TMEM143: variants seen among roughly 807,000 people sequenced by gnomAD.
TMEM143 encodes the protein transmembrane protein 143.
In TMEM143, 45 loss-of-function variants were observed where a neutral mutation model predicts 40.3. That is an observed-to-expected ratio of 1.12 (90% confidence interval 0.88 to 1.43). TMEM143 has a LOEUF of 1.43. Ranked by LOEUF, TMEM143 falls within the 40% of genes most tolerant of loss-of-function variation. The pLI is 0.00. For missense variants in TMEM143, 620 were observed against 613.4 expected (o/e 1.01, Z -0.11); for synonymous variants, 299 against 282.7 (o/e 1.06, Z -0.58).
chr19:48,363,182 A>G, intron 2 of TMEM143, 109 bp downstream of exon 2: 1 of 1,439,800 alleles, frequency 6.9e-7, no homozygotes, highest in Middle Eastern at 2.6e-4. Flanking sequence ...CGGGAACTAC[A>G]ACTCCCAGGA....
At chr19:48,342,478 A>T in intron 6 of TMEM143, 52 bp downstream of exon 6, 1 of 1,537,864 alleles carries the variant, frequency 6.5e-7, no homozygotes, top group Non-Finnish European at 8.7e-7. Context: ...AGGGGGCCTG[A>T]CCTGGTCCCC....
Position 48,334,047 on chromosome 19 carries a change from G to C in TMEM143, c.1126C>G (p.Leu376Val). ...TKEALLAHSF[L>V]ARRPGGTQGS... ...TGAGTGCCCCCTGGCCGCCGGGCCA[G>C]GAAGCTGTGAGCCAGCAGCGCCTCC... is the stretch of plus-strand genomic sequence containing the variant. Residue 376 changes from leucine to valine, a missense_variant, in exon 7 of 8, where the codon CTG becomes GTG. By Grantham distance (32) the Leu-to-Val change is conservative (BLOSUM62 1). Transcript: ENST00000293261. 1 of 1,574,774 alleles carries C rather than the reference G, an allele frequency of 6.4e-7. No individual in the cohort carries two copies. Among genetic ancestry groups the C allele is most frequent in the South Asian group, 1.2e-5 (1 of 86,950 alleles).
intron 3 of TMEM143, among the ~76,000 whole-genome samples, chr19:48,346,041 C>T (rs976168859): frequency 6.6e-6 from 1 of 151,972 alleles, no homozygotes; most frequent in African/African-American, 2.4e-5. Context: ...CTCGGCCTCC[C>T]AAAGTGCTGG....
chr19:48,342,731 C>T lies in TMEM143; in HGVS notation c.774G>A (p.Pro258=), dbSNP rs747445309. ...HLVLKSFKDT[P]LEGLEQLLPE... is the part of the protein sequence containing the mutation. ...GCAGCAGCTGCTCCAGGCCTTCCAG[C>T]GGCGTGTCCTTGAAACTCTTCAGTA... The change falls in exon 6 of 8, where the codon CCG becomes CCA. Residue 258 remains proline, a synonymous_variant. Transcript: ENST00000293261. The T allele has an allele frequency of 1.9e-6, 3 of 1,614,126 alleles. No individual in the cohort carries two copies. The highest frequency in any genetic ancestry group is 2.2e-5 in the South Asian group (2 of 91,068).
At chr19:48,334,628 C>G (rs947124620) in intron 6 of TMEM143, among the ~76,000 whole-genome samples, 1 of 130,668 alleles carries the variant, frequency 7.7e-6, no homozygotes, top group Admixed American at 9.5e-5. Context: ...GTAGCCCAGT[C>G]TGGAGTTCAG....
At chr19:48,359,509 GTT>G (rs775409244) in intron 3 of TMEM143, among the ~76,000 whole-genome samples, 1 of 88,584 alleles carries the variant, frequency 1.1e-5, no homozygotes, top group Non-Finnish European at 2.2e-5. Context: ...ACCCCTCTTT[GTT>G]TTTTTTTTTT....
At chr19:48,343,563 TC>T in intron 4 of TMEM143, 112 bp from the exon 5 acceptor site, 3 of 1,388,520 alleles carry the variant, frequency 2.2e-6, no homozygotes, top group Non-Finnish European at 2.9e-6. Flanking sequence ...TTCCCACTTA[TC>T]CCCATTCACC....
intron 2 of TMEM143, among the ~76,000 whole-genome samples, chr19:48,361,529 C>T (rs1441914222): frequency 3.5e-5 from 3 of 86,584 alleles, no homozygotes; most frequent in Non-Finnish European, 7.8e-5. Context: ...TGAACCACTT[C>T]TTCTTCTTTT....
intron 3 of TMEM143, 161 bp downstream of exon 3, chr19:48,359,911 G>T (rs947120488): frequency 4.7e-6 from 3 of 635,462 alleles, no homozygotes; most frequent in Non-Finnish European, 8.0e-6. Flanking sequence ...TCCCCACTTG[G>T]AATGTTGGCT....
intron 3 of TMEM143, among the ~76,000 whole-genome samples, chr19:48,350,466 C>T (rs537705726): frequency 6.6e-6 from 1 of 152,262 alleles, no homozygotes; most frequent in East Asian, 1.9e-4. Flanking sequence ...GCCCATCGCC[C>T]TCATGGTCTG....
In TMEM143 at chr19:48,363,880, C is replaced by A. The variant is rs772215495; in HGVS notation, c.23+18G>T. 2.6e-5 allele frequency: 42 copies of A among 1,613,802 alleles called. No homozygotes were observed. Among genetic ancestry groups the A allele is most frequent in the Middle Eastern group, 1.6e-4 (1 of 6,082 alleles). Reference sequence around the variant, plus strand: ...GGCCGCCCTCCCTGGCCATGCAATCCCCCGATTTCTCCCTCACCTTAGCCA... The same window carrying A: ...GGCCGCCCTCCCTGGCCATGCAATCACCCGATTTCTCCCTCACCTTAGCCA... On this transcript the variant is annotated intron_variant, in intron 1 of 7. Transcript: ENST00000293261.
chr19:48,357,342 T>C (rs420319), intron 3 of TMEM143, among the ~76,000 whole-genome samples: 103,191 of 138,158 alleles, frequency 0.75, 38,913 homozygotes, highest in Admixed American at 0.83. Context: ...TATTCAAGTC[T>C]ATCTTTCTTT....
chr19:48,334,416 C>A (rs1371992116), intron 6 of TMEM143, among the ~76,000 whole-genome samples: 1 of 108,200 alleles, frequency 9.2e-6, no homozygotes, highest in Non-Finnish European at 2.0e-5. Flanking sequence ...TTCTTTTTCT[C>A]TCTTTCTTTC....
At chr19:48,344,824 A>G (rs1969584051) in intron 4 of TMEM143, among the ~76,000 whole-genome samples, 1 of 152,124 alleles carries the variant, frequency 6.6e-6, no homozygotes, top group South Asian at 2.1e-4. Flanking sequence ...CTCCTGCCTT[A>G]GCCTCCCCAG....
chr19:48,334,063 C>A lies in TMEM143; in HGVS notation c.1110G>T (p.Leu370=). The change falls in exon 7 of 8, where the codon CTG becomes CTT. Residue 370 remains leucine, a synonymous_variant. Coordinates refer to ENST00000293261, the MANE Select transcript of TMEM143 (RefSeq NM_018273.4). ...RAQDEHTKEA[L]LAHSFLARRP... is the part of the protein sequence containing the mutation. ...GCCGGGCCAGGAAGCTGTGAGCCAG[C>A]AGCGCCTCCTTGGTGTGCTCGTCCT... 6.3e-7 allele frequency: 1 copy of A among 1,581,146 alleles called. No individual in the cohort carries two copies. The highest frequency in any genetic ancestry group is 8.6e-7 in the Non-Finnish European group (1 of 1,165,538).
chr19:48,349,538 C>T (rs1430122926), intron 3 of TMEM143, among the ~76,000 whole-genome samples: 3 of 151,916 alleles, frequency 2.0e-5, no homozygotes, highest in East Asian at 1.9e-4. Context: ...CCAGCTACTC[C>T]GGAGGCTGAG....
intron 6 of TMEM143, among the ~76,000 whole-genome samples, chr19:48,336,179 C>T (rs1355272552): frequency 2.6e-5 from 4 of 151,942 alleles, no homozygotes; most frequent in South Asian, 2.1e-4. Context: ...GTTAGGAGTT[C>T]GAGACCAACC....
chr19:48,358,814 G>C (rs776391844), intron 3 of TMEM143, among the ~76,000 whole-genome samples: 19 of 152,122 alleles, frequency 1.2e-4, no homozygotes, highest in Non-Finnish European at 2.1e-4. Context: ...ACCTAAATCC[G>C]CTGCTCACAT....
rs1275348634 is a variant in TMEM143 at position 48,333,167 on chromosome 19, G to A, written c.*52C>T. On this transcript the variant is annotated 3_prime_UTR_variant, in exon 8 of 8. Transcript: ENST00000293261. The surrounding 1 kb of genome is among the most constrained non-coding windows in gnomAD (Gnocchi z 4.1). ...CCGTAATTGACAGCCTGTCGTGAAG[G>A]AGGCGGGGCTTAGTTCCTAGCCTGC... The A allele has an allele frequency of 1.5e-6, 2 of 1,321,622 alleles. No homozygotes were observed. Among genetic ancestry groups the A allele is most frequent in the Admixed American group, 5.3e-5 (2 of 37,892 alleles). 81.9% of individuals were successfully genotyped at this position (1,321,622 alleles called of 1,614,324 possible).
Sources: gnomAD v4.1 joint callset for allele counts (sites outside exome capture counted in the v4.1 genomes callset) on GRCh38, gnomAD v4.1.1 for gene constraint, Gnocchi (gnomAD v3.1) non-coding constraint, MANE v1.5 for transcripts, NCBI Gene and HGNC (gene_info 2026-07-23, HGNC 2026-07-21) for gene names.